Variants in SGCD observed in about 807,000 individuals in gnomAD.
SGCD encodes the protein sarcoglycan delta, also known as delta-sarcoglycan.
Under a neutral mutation model 36.6 loss-of-function variants are expected in SGCD, and 18 were observed. That is an observed-to-expected ratio of 0.49 (90% confidence interval 0.34 to 0.73). SGCD has a LOEUF of 0.73. Ranked by LOEUF, SGCD falls within the 30% of genes least tolerant of loss-of-function variation. SGCD has a pLI of 0.01. For missense variants in SGCD, 387 were observed against 346.7 expected, an observed-to-expected ratio of 1.12 and a Z score of -0.92; for synonymous variants, 133 against 130.6, an observed-to-expected ratio of 1.02 and a Z score of -0.12.
intron 3 of SGCD, among the ~76,000 whole-genome samples, chr5:156,165,850 C>T (rs1032178013): frequency 6.6e-6 from 1 of 152,134 alleles, no homozygotes; most frequent in African/African-American, 2.4e-5. Context: ...ATATATTCTT[C>T]AGAAAAAGGA....
intron 3 of SGCD, among the ~76,000 whole-genome samples, chr5:156,396,481 AG>A (rs1771854591): frequency 6.6e-6 from 1 of 152,142 alleles, no homozygotes; most frequent in African/African-American, 2.4e-5. Context: ...TTTGGGGCTT[AG>A]GTAAGCGGGG....
chr5:156,618,924 G>A (rs962280327), intron 6 of SGCD, among the ~76,000 whole-genome samples: 2 of 152,018 alleles, frequency 1.3e-5, no homozygotes, highest in African/African-American at 4.8e-5. Context: ...TGCTCAGGGA[G>A]AGTGGGAAAT....
the SGCD span, among the ~76,000 whole-genome samples, chr5:155,779,389 G>A: frequency 6.6e-6 from 1 of 152,072 alleles, no homozygotes; most frequent in Non-Finnish European, 1.5e-5. Flanking sequence ...AGTGAACTGT[G>A]ATCCTGCCAT....
Position 156,759,211 on chromosome 5 carries a change from C to A in SGCD, c.700-6C>A, listed in dbSNP as rs1430219875. ...CAATGCTTTCCTTCCTATTCTCTGTCTTTAGATTAAGTTAGATGCTGCGAA... is the reference window on the plus strand; with the variant it reads ...CAATGCTTTCCTTCCTATTCTCTGTATTTAGATTAAGTTAGATGCTGCGAA... On this transcript the variant is annotated splice_region_variant and splice_polypyrimidine_tract_variant and intron_variant, in intron 8 of 8. Transcript: ENST00000337851. The A allele has an allele frequency of 6.2e-7, 1 of 1,612,052 alleles. No individual in the cohort carries two copies. The highest frequency in any genetic ancestry group is 1.1e-5 in the South Asian group (1 of 91,022).
the SGCD span, among the ~76,000 whole-genome samples, chr5:155,727,863 C>T: frequency 6.6e-6 from 1 of 152,216 alleles, no homozygotes; most frequent in Non-Finnish European, 1.5e-5. Flanking sequence ...TCCGCACACT[C>T]CTTCTCCCGG....
chr5:156,685,806 C>A (rs941211306), intron 7 of SGCD, among the ~76,000 whole-genome samples: 5 of 152,156 alleles, frequency 3.3e-5, no homozygotes, highest in African/African-American at 7.2e-5. Context: ...TGCCATGAGG[C>A]CTGACATACA....
chr5:156,112,824 G>C (rs891071845), intron 1 of SGCD, among the ~76,000 whole-genome samples: 8 of 152,228 alleles, frequency 5.3e-5, no homozygotes, highest in African/African-American at 1.9e-4. Flanking sequence ...AGGTGATGAG[G>C]CTGTTCCATT....
At chr5:156,583,105 A>G (rs5020324) in intron 4 of SGCD, among the ~76,000 whole-genome samples, 4 of 152,308 alleles carry the variant, frequency 2.6e-5, no homozygotes, top group East Asian at 3.9e-4. Context: ...AATTATGAAC[A>G]TTTTCATAAA....
intron 1 of SGCD, among the ~76,000 whole-genome samples, chr5:155,958,207 G>A (rs1484613543): frequency 6.6e-6 from 1 of 152,132 alleles, no homozygotes; most frequent in Non-Finnish European, 1.5e-5. Context: ...AAACTGTAAA[G>A]CACTGTATTA....
chr5:156,351,167 G>T (rs1161108997), intron 3 of SGCD, among the ~76,000 whole-genome samples: 2 of 152,130 alleles, frequency 1.3e-5, no homozygotes, highest in Non-Finnish European at 2.9e-5. Context: ...TGTAGCTGAG[G>T]ACCTTCTCCT....
At chr5:156,686,277 G>T (rs1293121945) in intron 7 of SGCD, among the ~76,000 whole-genome samples, 1 of 152,240 alleles carries the variant, frequency 6.6e-6, no homozygotes, top group Non-Finnish European at 1.5e-5. Flanking sequence ...TCGAATTCAG[G>T]TTTGCATAAA....
At chr5:156,745,489 G>A (rs779845042) in intron 7 of SGCD, among the ~76,000 whole-genome samples, 1 of 152,088 alleles carries the variant, frequency 6.6e-6, no homozygotes, top group Non-Finnish European at 1.5e-5. Flanking sequence ...TTAAATGCAG[G>A]CTTCAAATAA....
chr5:155,775,029 C>A, the SGCD span, among the ~76,000 whole-genome samples: 1 of 152,124 alleles, frequency 6.6e-6, no homozygotes, highest in Non-Finnish European at 1.5e-5. Flanking sequence ...CATACAGAAC[C>A]ATGCAAACAA....
At position 156,481,463 on chromosome 5, in the gene SGCD, T is replaced by A. The variant is rs1368136560; in HGVS notation, c.193-27138T>A. Reference sequence around the variant, plus strand: ...TTTCAAGAGAAACTCATAATCTAAGTGTCTTAGTTTTTGCTTTCCTTTATT... The same window carrying A: ...TTTCAAGAGAAACTCATAATCTAAGAGTCTTAGTTTTTGCTTTCCTTTATT... On this transcript the variant is annotated intron_variant, in intron 3 of 8. Transcript: ENST00000337851. 2.0e-5 allele frequency among the ~76,000 whole-genome samples: 3 copies of A among 152,216 alleles called. No homozygotes were observed. The South Asian group carries it at 6.2e-4, about 32-fold the overall frequency.
chr5:156,033,326 A>G (rs1561689658), intron 1 of SGCD, among the ~76,000 whole-genome samples: 1 of 152,064 alleles, frequency 6.6e-6, no homozygotes, highest in East Asian at 1.9e-4. Context: ...CTTCTAGTGT[A>G]CCCGTCACCC....
At chr5:155,799,519 G>C in the SGCD span, among the ~76,000 whole-genome samples, 1 of 151,146 alleles carries the variant, frequency 6.6e-6, no homozygotes, top group Admixed American at 6.6e-5. Flanking sequence ...TGATCCTCTT[G>C]AATAGCTAGG....
At chr5:156,326,268 C>G (rs906294314), upstream of SGCD, among the ~76,000 whole-genome samples, 13 of 152,158 alleles carry the variant, frequency 8.5e-5, no homozygotes, top group African/African-American at 3.1e-4. Context: ...GCAGAATGTA[C>G]ACAGGGCATC....
At chr5:155,785,987 G>A in the SGCD span, among the ~76,000 whole-genome samples, 5 of 152,054 alleles carry the variant, frequency 3.3e-5, no homozygotes, top group Admixed American at 1.3e-4. Flanking sequence ...CTAATGTTAC[G>A]TTGGGGTATG....
At chr5:156,653,505 T>TTTTTTTTTTTTTTTTG (rs1561839602) in intron 7 of SGCD, among the ~76,000 whole-genome samples, 1 of 144,418 alleles carries the variant, frequency 6.9e-6, no homozygotes, top group Non-Finnish European at 1.5e-5. Flanking sequence ...TTTTTTTTTT[T>TTTTTTTTTTTTTTTTG]TTTGCCCCTG....
Sources: gnomAD v4.1 joint callset for allele counts (sites outside exome capture counted in the v4.1 genomes callset) on GRCh38, gnomAD v4.1.1 for gene constraint, MANE v1.5 for transcripts, NCBI Gene and HGNC (gene_info 2026-07-23, HGNC 2026-07-21) for gene names.